The following CNTNAP4 variants were observed in gnomAD, a reference collection of about 807,000 sequenced individuals.
The protein encoded by CNTNAP4 is contactin-associated protein-like 4.
CNTNAP4 carries 98 observed loss-of-function variants against 148.4 expected under a neutral mutation model. The observed-to-expected ratio is 0.66, with a 90% CI of 0.56 to 0.78. The LOEUF is 0.78. Ranked by LOEUF, CNTNAP4 falls within the 30% of genes least tolerant of loss-of-function variation. The pLI is 0.00. For missense variants in CNTNAP4, 1,935 were observed against 1,565.6 expected (o/e 1.24, Z -3.98); for synonymous variants, 730 against 565.1 (o/e 1.29, Z -4.14).
chr16:76,415,072 C>G (rs1464954495), intron 3 of CNTNAP4, among the ~76,000 whole-genome samples: 3 of 151,040 alleles, frequency 2.0e-5, no homozygotes, highest in African/African-American at 7.3e-5. Flanking sequence ...TTACAATAGT[C>G]TGAATTTCCA....
At chr16:76,316,783 T>A (rs974664722) in intron 2 of CNTNAP4, among the ~76,000 whole-genome samples, 4 of 152,304 alleles carry the variant, frequency 2.6e-5, no homozygotes, top group African/African-American at 9.6e-5. Flanking sequence ...TCTACAATAA[T>A]ATACAATCCT....
chr16:76,382,586 A>G (rs752529375), intron 3 of CNTNAP4, among the ~76,000 whole-genome samples: 2 of 152,212 alleles, frequency 1.3e-5, no homozygotes, highest in Admixed American at 6.5e-5. Flanking sequence ...TAGATATCAT[A>G]TAACCCTGTG....
chr16:76,480,018 C>A (rs2081758245), intron 12 of CNTNAP4, among the ~76,000 whole-genome samples: 1 of 152,074 alleles, frequency 6.6e-6, no homozygotes, highest in South Asian at 2.1e-4. Context: ...CGATAAAGAC[C>A]AGAAAACTTT....
At chr16:76,364,987 C>G (rs1490181498) in intron 3 of CNTNAP4, among the ~76,000 whole-genome samples, 1 of 152,062 alleles carries the variant, frequency 6.6e-6, no homozygotes, top group African/African-American at 2.4e-5. Context: ...AGGTTTTCTT[C>G]TAGGGTTTTT....
intron 3 of CNTNAP4, among the ~76,000 whole-genome samples, chr16:76,370,462 A>G (rs1010583441): frequency 6.6e-6 from 1 of 152,174 alleles, no homozygotes; most frequent in African/African-American, 2.4e-5. Flanking sequence ...GCCACTACCA[A>G]GTAGCAGCCT....
intron 1 of CNTNAP4, among the ~76,000 whole-genome samples, chr16:76,280,267 G>A (rs1002278239): frequency 6.6e-6 from 1 of 152,114 alleles, no homozygotes; most frequent in Non-Finnish European, 1.5e-5. Flanking sequence ...AACCAGTACA[G>A]CTCAGGGATT....
chr16:76,363,546 A>T (rs936485417), intron 3 of CNTNAP4, among the ~76,000 whole-genome samples: 1 of 152,210 alleles, frequency 6.6e-6, no homozygotes, highest in Non-Finnish European at 1.5e-5. Flanking sequence ...ACTGCTAGAA[A>T]AAAACGTACA....
At chr16:76,521,388 CAT>C (rs796075174) in intron 16 of CNTNAP4, 78 bp downstream of exon 16, 86 of 1,145,336 alleles carry the variant, frequency 7.5e-5, no homozygotes, top group South Asian at 7.2e-4. Flanking sequence ...TTAAACTACT[CAT>C]GTGTCTACTT....
intron 3 of CNTNAP4, among the ~76,000 whole-genome samples, chr16:76,379,624 C>T (rs1028796424): frequency 3.9e-5 from 6 of 152,158 alleles, no homozygotes; most frequent in African/African-American, 9.7e-5. Flanking sequence ...CTGAGAAGCA[C>T]CAATTAATCA....
intron 3 of CNTNAP4, among the ~76,000 whole-genome samples, chr16:76,402,186 G>T (rs1214951883): frequency 6.6e-6 from 1 of 152,076 alleles, no homozygotes; most frequent in African/African-American, 2.4e-5. Flanking sequence ...TTGGTCGGTA[G>T]GCTGTTTATT....
At chr16:76,377,525 G>A (rs2015542601) in intron 3 of CNTNAP4, among the ~76,000 whole-genome samples, 1 of 152,122 alleles carries the variant, frequency 6.6e-6, no homozygotes, top group Non-Finnish European at 1.5e-5. Flanking sequence ...AGAAGGTGTG[G>A]GCAGGGAAGT....
chr16:76,323,359 A>G (rs963865195), intron 2 of CNTNAP4, among the ~76,000 whole-genome samples: 3 of 152,154 alleles, frequency 2.0e-5, no homozygotes, highest in African/African-American at 4.8e-5. Context: ...ACTTACTAAA[A>G]CATTAACATT....
At chr16:76,440,316 T>C (rs1287325334) in intron 4 of CNTNAP4, among the ~76,000 whole-genome samples, 1 of 152,148 alleles carries the variant, frequency 6.6e-6, no homozygotes, top group East Asian at 1.9e-4. Flanking sequence ...TATTTAAAAA[T>C]TGATTTTCTA....
chr16:76,304,187 A>C (rs1047353711), intron 1 of CNTNAP4, among the ~76,000 whole-genome samples: 1 of 152,166 alleles, frequency 6.6e-6, no homozygotes, highest in Non-Finnish European at 1.5e-5. Context: ...GAGATAGGAA[A>C]GGCGATTTAA....
chr16:76,550,835 T>C (rs1247768598), intron 21 of CNTNAP4, among the ~76,000 whole-genome samples: 1 of 152,134 alleles, frequency 6.6e-6, no homozygotes, highest in Non-Finnish European at 1.5e-5. Context: ...TTATGCTGGA[T>C]GTTGGCAGTC....
At chr16:76,509,538 G>A (rs1310171833) in intron 15 of CNTNAP4, among the ~76,000 whole-genome samples, 3 of 97,456 alleles carry the variant, frequency 3.1e-5, no homozygotes, top group African/African-American at 5.1e-5. Context: ...TATATTCAAC[G>A]TAAGTGATCC....
At chr16:76,396,410 A>C (rs1359100578) in intron 3 of CNTNAP4, among the ~76,000 whole-genome samples, 1 of 152,162 alleles carries the variant, frequency 6.6e-6, no homozygotes, top group Non-Finnish European at 1.5e-5. Flanking sequence ...ATTTTTATCA[A>C]GGAGGTAGGA....
chr16:76,522,634 C>CTTCCTTCT (rs151001744), intron 17 of CNTNAP4, among the ~76,000 whole-genome samples: 1,065 of 73,100 alleles, frequency 0.015, 105 homozygotes, highest in East Asian at 0.066. Flanking sequence ...TCCTTCCTTC[C>CTTCCTTCT]TTCTTTCTTT....
intron 15 of CNTNAP4, among the ~76,000 whole-genome samples, chr16:76,504,231 T>A (rs2082758274): frequency 6.6e-6 from 1 of 152,120 alleles, no homozygotes; most frequent in Non-Finnish European, 1.5e-5. Context: ...GGAAGTGTGA[T>A]ATTGACATTA....
Sources: allele counts gnomAD v4.1 joint callset (sites outside exome capture counted in the v4.1 genomes callset), GRCh38; gene constraint gnomAD v4.1.1; transcripts MANE v1.5; gene names NCBI Gene and HGNC (gene_info 2026-07-23, HGNC 2026-07-21).